Variants in SELENOT observed in about 807,000 individuals in gnomAD.
The protein encoded by SELENOT is thioredoxin reductase-like selenoprotein T.
In SELENOT, 9 loss-of-function variants were observed where a neutral mutation model predicts 24.3. That is an observed-to-expected ratio of 0.37 (90% CI 0.22 to 0.65). The LOEUF is 0.65. Ranked by LOEUF, SELENOT falls within the 30% of genes least tolerant of loss-of-function variation. The pLI is 0.60. For synonymous variants in SELENOT, 81 were observed against 86.0 expected, an observed-to-expected ratio of 0.94 and a Z score of 0.32; for missense variants, 166 against 247.6, an observed-to-expected ratio of 0.67 and a Z score of 2.21.
chr3:150,605,706 G>C (rs1006359206), intron 1 of SELENOT, among the ~76,000 whole-genome samples: 1 of 152,076 alleles, frequency 6.6e-6, no homozygotes, highest in Non-Finnish European at 1.5e-5. Context: ...GATCAACTTA[G>C]CTTGTTGTTT....
intron 1 of SELENOT, among the ~76,000 whole-genome samples, chr3:150,609,255 G>A (rs777927193): frequency 2.0e-5 from 3 of 152,200 alleles, no homozygotes; most frequent in African/African-American, 7.2e-5. Context: ...GCCTCTACAG[G>A]TGGGACTATA....
At chr3:150,619,153 G>A (rs1360306930) in intron 1 of SELENOT, among the ~76,000 whole-genome samples, 5 of 151,386 alleles carry the variant, frequency 3.3e-5, no homozygotes, top group African/African-American at 7.3e-5. Context: ...CCCGGGAGGC[G>A]GAGCTTGCAG....
At chr3:150,614,505 T>G (rs1297203046) in intron 1 of SELENOT, 1 of 154,554 alleles carries the variant, frequency 6.5e-6, no homozygotes, top group Non-Finnish European at 1.5e-5. Context: ...AAAGTAGACT[T>G]TGTAGGTTTA....
intron 4 of SELENOT, among the ~76,000 whole-genome samples, chr3:150,625,734 T>G (rs1366043032): frequency 6.6e-6 from 1 of 152,206 alleles, no homozygotes; most frequent in Admixed American, 6.5e-5. Flanking sequence ...AGTGAAAAAT[T>G]TGTAGAAATT....
At chr3:150,620,655 G>T (rs927299023) in intron 1 of SELENOT, among the ~76,000 whole-genome samples, 1 of 152,084 alleles carries the variant, frequency 6.6e-6, no homozygotes, top group Non-Finnish European at 1.5e-5. Flanking sequence ...TAAAATACAA[G>T]TTTTGACTAA....
intron 1 of SELENOT, among the ~76,000 whole-genome samples, chr3:150,611,087 T>G (rs1262037602): frequency 6.6e-6 from 1 of 152,166 alleles, no homozygotes; most frequent in Non-Finnish European, 1.5e-5. Flanking sequence ...TTAAAATAGT[T>G]TTTAATTTAG....
intron 1 of SELENOT, among the ~76,000 whole-genome samples, chr3:150,621,801 G>C (rs1402764426): frequency 1.3e-5 from 2 of 151,980 alleles, no homozygotes; most frequent in Non-Finnish European, 2.9e-5. Flanking sequence ...AGGGTTCTAA[G>C]TCTAAGTTCC....
At chr3:150,615,090 C>T (rs982711714) in intron 1 of SELENOT, among the ~76,000 whole-genome samples, 2 of 142,008 alleles carry the variant, frequency 1.4e-5, no homozygotes, top group Non-Finnish European at 3.0e-5. Context: ...TGTTCAATTC[C>T]CACCTATGAG....
intron 1 of SELENOT, among the ~76,000 whole-genome samples, chr3:150,617,788 A>C (rs1726251670): frequency 1.3e-5 from 2 of 151,664 alleles, no homozygotes; most frequent in Non-Finnish European, 2.9e-5. Flanking sequence ...AAAAACAAAA[A>C]AAAACTGAGC....
Position 150,610,073 on chromosome 3 carries a change from A to G in SELENOT, c.137+6574A>G, listed in dbSNP as rs117516329. 4.3e-4 allele frequency among the ~76,000 whole-genome samples: 66 copies of G among 152,354 alleles called. No individual in the cohort carries two copies. In the East Asian group the frequency reaches 0.012, roughly 28 times the overall value. On this transcript the variant is annotated intron_variant, in intron 1 of 5. Coordinates refer to ENST00000471696, the MANE Select transcript of SELENOT (RefSeq NM_016275.5). Reference sequence around the variant, plus strand: ...TAGAAAAAAATGAGGAACAGAGTGAATGATATCAAAGATTCCTAGTAGTTA... The same window carrying G: ...TAGAAAAAAATGAGGAACAGAGTGAGTGATATCAAAGATTCCTAGTAGTTA...
At chr3:150,614,143 T>C (rs1233589752) in intron 1 of SELENOT, among the ~76,000 whole-genome samples, 1 of 152,120 alleles carries the variant, frequency 6.6e-6, no homozygotes, top group Non-Finnish European at 1.5e-5. Context: ...CATTATAAAA[T>C]GAAAATGCTA....
At position 150,627,166 on chromosome 3, in the gene SELENOT, A is replaced by G. The variant is rs1394474854; in HGVS notation, c.*29+3A>G. On this transcript the variant is annotated splice_donor_region_variant and intron_variant, in intron 5 of 5. Coordinates refer to ENST00000471696, the MANE Select transcript of SELENOT (RefSeq NM_016275.5). The stretch of plus-strand genomic sequence containing the variant: ...CTATCAGCACTGAAAACTCTTTTGT[A>G]AGTTGTTTAAAATATAGCTAATGTA... 1 of 1,595,188 alleles carries G rather than the reference A, an allele frequency of 6.3e-7. No homozygotes were observed. The highest frequency in any genetic ancestry group is 8.5e-7 in the Non-Finnish European group (1 of 1,169,628).
At chr3:150,613,444 A>G (rs1006973264) in intron 1 of SELENOT, among the ~76,000 whole-genome samples, 2 of 152,220 alleles carry the variant, frequency 1.3e-5, no homozygotes, top group Non-Finnish European at 2.9e-5. Flanking sequence ...AGCATTGCCT[A>G]GTAATAACTT....
intron 1 of SELENOT, among the ~76,000 whole-genome samples, chr3:150,620,217 C>T (rs1209756168): frequency 6.6e-6 from 1 of 152,118 alleles, no homozygotes; most frequent in East Asian, 1.9e-4. Context: ...TTAGGGTTTC[C>T]CTTAAGGGAC....
chr3:150,603,368 G>A lies in SELENOT; in HGVS notation c.6G>A (p.Arg2=). ...AAGTGGCTGGCTCATTTAAGATGAG[G>A]CTTCTGCTGCTTCTCCTAGTGGCGG... is the stretch of plus-strand genomic sequence containing the variant. M[R]LLLLLLVAAS... Residue 2 remains arginine, a synonymous_variant, in exon 1 of 6, where the codon AGG becomes AGA. Transcript: ENST00000471696. 1 of 1,612,450 alleles carries A rather than the reference G, an allele frequency of 6.2e-7. No homozygotes were observed. Among genetic ancestry groups the A allele is most frequent in the East Asian group, 2.2e-5 (1 of 44,856 alleles).
intron 1 of SELENOT, among the ~76,000 whole-genome samples, chr3:150,620,269 A>G (rs964465377): frequency 3.3e-5 from 5 of 152,302 alleles, no homozygotes; most frequent in South Asian, 4.1e-4. Context: ...AAGAATCTCT[A>G]TATCTTCATC....
chr3:150,623,054 C>G lies in SELENOT; in HGVS notation c.260C>G (p.Ser87Cys). 6.4e-7 allele frequency: 1 copy of G among 1,564,612 alleles called. No individual in the cohort carries two copies. Among genetic ancestry groups the G allele is most frequent in the Non-Finnish European group, 8.6e-7 (1 of 1,158,062 alleles). The change falls in exon 3 of 6, where the codon TCT becomes TGT. Residue 87 changes from serine to cysteine, a missense_variant. Ser to Cys is a moderately radical substitution (Grantham distance 112, BLOSUM62 -1). Coordinates refer to ENST00000471696, the MANE Select transcript of SELENOT (RefSeq NM_016275.5). ...TTTTCTTTTGATAGACACATAGCATCTTTCCTGTCAGTCTTCAAACTAGTA... is the reference window on the plus strand; with the variant it reads ...TTTTCTTTTGATAGACACATAGCATGTTTCCTGTCAGTCTTCAAACTAGTA... ...LPQPIYRHIA[S>C]FLSVFKLVLI...
Position 150,622,469 on chromosome 3 carries a change from G to A in SELENOT, c.222G>A (p.Glu74=), listed in dbSNP as rs1425958940. 75 of 1,494,580 alleles carry A rather than the reference G, an allele frequency of 5.0e-5. No homozygotes were observed. The highest frequency in any genetic ancestry group is 5.9e-5 in the Non-Finnish European group (65 of 1,110,972). The allele number at this position is 1,494,580 out of a possible 1,614,324, so 92.6% of individuals were successfully genotyped here. A position where few individuals can be genotyped will look rare whatever the true frequency, so the allele number is the denominator to read the frequency against. The part of the protein sequence containing the change: ...QRYPDIRIEG[E]NYLPQPIYRH... ...ACCCAGACATCCGCATTGAAGGAGA[G>A]AATTACCTCCCTCAACCAATATATA... The change falls in exon 2 of 6, where the codon GAG becomes GAA. Residue 74 remains glutamate, a synonymous_variant. Coordinates refer to ENST00000471696, the MANE Select transcript of SELENOT (RefSeq NM_016275.5).
chr3:150,621,416 A>G (rs1404991989), intron 1 of SELENOT, among the ~76,000 whole-genome samples: 1 of 151,896 alleles, frequency 6.6e-6, no homozygotes, highest in Non-Finnish European at 1.5e-5. Context: ...CAAAGCTGGC[A>G]CCTCAGATTT....
Sources: allele counts gnomAD v4.1 joint callset (sites outside exome capture counted in the v4.1 genomes callset), GRCh38; gene constraint gnomAD v4.1.1; transcripts MANE v1.5; gene names NCBI Gene and HGNC (gene_info 2026-07-23, HGNC 2026-07-21).